MYO16: variants seen among roughly 807,000 people sequenced by gnomAD.
The protein encoded by MYO16 is myosin XVI.
In MYO16, 94 loss-of-function variants were observed where a neutral mutation model predicts 205.3. That is an observed-to-expected ratio of 0.46 (90% CI 0.39 to 0.54). MYO16 has a LOEUF of 0.54. Among genes scored for constraint, MYO16 ranks in the 20% least tolerant of loss-of-function variants. The probability of loss-of-function intolerance (pLI) is 0.00; values close to 1 mark genes in which losing one functional copy is unlikely to be tolerated. For synonymous variants in MYO16, 988 were observed against 954.0 expected (o/e 1.04, Z -0.66); for missense variants, 2,315 against 2,387.5 (o/e 0.97, Z 0.63).
chr13:108,677,034 G>C (rs1032350399), intron 2 of MYO16, among the ~76,000 whole-genome samples: 26 of 152,132 alleles, frequency 1.7e-4, no homozygotes, highest in African/African-American at 5.6e-4. Context: ...GTTATGCAAA[G>C]AAGAGGATCA....
At chr13:109,074,965 C>T (rs1379947822) in intron 27 of MYO16, among the ~76,000 whole-genome samples, 1 of 152,118 alleles carries the variant, frequency 6.6e-6, no homozygotes, top group Admixed American at 6.6e-5. Context: ...TAAATGGCAC[C>T]ATAAATTGTT....
At chr13:108,833,657 A>C (rs1283308160) in intron 9 of MYO16, among the ~76,000 whole-genome samples, 1 of 152,106 alleles carries the variant, frequency 6.6e-6, no homozygotes, top group Non-Finnish European at 1.5e-5. Flanking sequence ...GTTTCATTTT[A>C]TTACATTCCT....
chr13:108,868,515 A>G (rs1156642164), intron 12 of MYO16, among the ~76,000 whole-genome samples: 1 of 152,220 alleles, frequency 6.6e-6, no homozygotes, highest in Non-Finnish European at 1.5e-5. Context: ...GACTTGAAAG[A>G]TCTTTAAGCA....
chr13:108,568,755 A>G, the MYO16 span, among the ~76,000 whole-genome samples: 5 of 152,064 alleles, frequency 3.3e-5, no homozygotes, highest in South Asian at 2.1e-4. Flanking sequence ...TGTCATATCT[A>G]AAAAACCGTT....
intron 16 of MYO16, among the ~76,000 whole-genome samples, chr13:108,925,827 A>C (rs1881974058): frequency 1.3e-5 from 2 of 152,096 alleles, no homozygotes; most frequent in Admixed American, 6.6e-5. Flanking sequence ...CCCCCATGAA[A>C]AGTCATGCCC....
At chr13:108,546,952 T>C in the MYO16 span, among the ~76,000 whole-genome samples, 1 of 152,110 alleles carries the variant, frequency 6.6e-6, no homozygotes, top group East Asian at 1.9e-4. Flanking sequence ...CAAAGTTGTC[T>C]CAGAATCAAC....
chr13:108,764,003 A>G (rs1232075960), intron 4 of MYO16, among the ~76,000 whole-genome samples: 1 of 152,194 alleles, frequency 6.6e-6, no homozygotes, highest in Non-Finnish European at 1.5e-5. Flanking sequence ...AGATGTTTGT[A>G]TGGTCATGAA....
the MYO16 span, among the ~76,000 whole-genome samples, chr13:108,558,142 A>G: frequency 1.3e-4 from 20 of 152,208 alleles, no homozygotes; most frequent in African/African-American, 4.1e-4. Context: ...CAGTGCTTGA[A>G]TTTCTCTCCT....
chr13:108,638,199 G>A (rs1880345026), intron 1 of MYO16, among the ~76,000 whole-genome samples: 1 of 152,170 alleles, frequency 6.6e-6, no homozygotes, highest in Non-Finnish European at 1.5e-5. Context: ...GCCACACAGA[G>A]GGAACAGCAA....
intron 1 of MYO16, among the ~76,000 whole-genome samples, chr13:108,660,585 A>T (rs570176883): frequency 5.9e-5 from 9 of 152,242 alleles, no homozygotes; most frequent in Admixed American, 1.3e-4. Context: ...CGGATATAAG[A>T]ATAGCCACCC....
At chr13:109,196,453 A>G (rs760666512) in intron 34 of MYO16, among the ~76,000 whole-genome samples, 8 of 152,190 alleles carry the variant, frequency 5.3e-5, no homozygotes, top group South Asian at 2.1e-4. Context: ...GGTCTGGACC[A>G]TGATCATTTA....
chr13:108,873,528 T>G (rs1182636051), intron 12 of MYO16, among the ~76,000 whole-genome samples: 2 of 152,238 alleles, frequency 1.3e-5, no homozygotes, highest in South Asian at 2.1e-4. Flanking sequence ...GATCTGACAC[T>G]AACAACCACC....
At chr13:108,905,428 A>G (rs7322713) in intron 15 of MYO16, among the ~76,000 whole-genome samples, 151,197 of 152,296 alleles carry the variant, frequency 0.99, 75,062 homozygotes, top group Middle Eastern at 1. Flanking sequence ...GCCTCGGTGC[A>G]TCTTCATGAA....
intron 20 of MYO16, among the ~76,000 whole-genome samples, chr13:108,971,788 T>C (rs1403016729): frequency 6.6e-6 from 1 of 152,124 alleles, no homozygotes; most frequent in African/African-American, 2.4e-5. Flanking sequence ...GCCTGTTTCT[T>C]TGACACCCAG....
At chr13:108,662,012 A>T (rs1234643922) in intron 1 of MYO16, among the ~76,000 whole-genome samples, 1 of 152,102 alleles carries the variant, frequency 6.6e-6, no homozygotes, top group African/African-American at 2.4e-5. Context: ...TTTCCTATGG[A>T]TGTGACTTCC....
At chr13:108,815,125 C>G (rs565895954) in intron 7 of MYO16, among the ~76,000 whole-genome samples, 1 of 152,106 alleles carries the variant, frequency 6.6e-6, no homozygotes, top group Non-Finnish European at 1.5e-5. Flanking sequence ...ACACTTCACA[C>G]TACAAAATGT....
chr13:108,984,726 C>A (rs1442126763), intron 20 of MYO16, among the ~76,000 whole-genome samples: 2 of 152,180 alleles, frequency 1.3e-5, no homozygotes, highest in African/African-American at 4.8e-5. Flanking sequence ...TATCCTCTGA[C>A]TCACCATCTT....
At chr13:108,907,580 G>C (rs1881050832) in intron 15 of MYO16, among the ~76,000 whole-genome samples, 1 of 152,128 alleles carries the variant, frequency 6.6e-6, no homozygotes, top group African/African-American at 2.4e-5. Context: ...GAATATTAGA[G>C]TTTCATGGCA....
intron 27 of MYO16, among the ~76,000 whole-genome samples, chr13:109,070,677 A>G (rs1887896004): frequency 6.6e-6 from 1 of 152,202 alleles, no homozygotes; most frequent in South Asian, 2.1e-4. Context: ...ATATCTACCC[A>G]TGTAGTAACT....
Sources: allele counts gnomAD v4.1 joint callset (sites outside exome capture counted in the v4.1 genomes callset), GRCh38; gene constraint gnomAD v4.1.1; transcripts MANE v1.5; gene names NCBI Gene and HGNC (gene_info 2026-07-23, HGNC 2026-07-21).